The following EIF3H variants were observed in gnomAD, a reference collection of about 807,000 sequenced individuals.
EIF3H encodes the protein eIF-3-gamma.
Under a neutral mutation model 44.2 loss-of-function variants are expected in EIF3H, and 26 were observed. The observed-to-expected ratio is 0.59, with a 90% CI of 0.43 to 0.82. EIF3H has a LOEUF of 0.82. Among genes scored for constraint, EIF3H ranks in the 40% least tolerant of loss-of-function variants. The probability of loss-of-function intolerance (pLI) is 0.00; values close to 1 mark genes in which losing one functional copy is unlikely to be tolerated. For missense variants in EIF3H, 359 were observed against 432.8 expected (o/e 0.83, Z 1.51); for synonymous variants, 166 against 151.9 (o/e 1.09, Z -0.68).
intron 1 of EIF3H, among the ~76,000 whole-genome samples, chr8:116,736,477 C>T (rs771253647): frequency 2.0e-5 from 3 of 152,072 alleles, no homozygotes; most frequent in East Asian, 1.9e-4. Flanking sequence ...CTGACTAACA[C>T]GGTGAAACCC....
intron 2 of EIF3H, among the ~76,000 whole-genome samples, chr8:116,661,159 G>A (rs951715860): frequency 2.6e-5 from 4 of 152,082 alleles, no homozygotes; most frequent in Admixed American, 2.6e-4. Flanking sequence ...TAAAATCACT[G>A]ATTTGGCTAA....
chr8:116,681,448 C>T (rs553072636), intron 2 of EIF3H, among the ~76,000 whole-genome samples: 134 of 152,034 alleles, frequency 8.8e-4, no homozygotes, highest in South Asian at 3.1e-3. Flanking sequence ...GGGCGGATCA[C>T]CTGAGGTAGG....
intron 2 of EIF3H, among the ~76,000 whole-genome samples, chr8:116,686,319 T>C (rs1372994531): frequency 1.3e-5 from 2 of 152,148 alleles, no homozygotes. Flanking sequence ...TCAAAGTCAA[T>C]GATAAGCTCC....
At chr8:116,674,226 G>A (rs1011133374) in intron 2 of EIF3H, among the ~76,000 whole-genome samples, 5 of 149,732 alleles carry the variant, frequency 3.3e-5, no homozygotes, top group Non-Finnish European at 7.4e-5. Context: ...GAAGGAAAGA[G>A]AGCTGGCAAT....
chr8:116,751,488 C>T (rs906883867), intron 1 of EIF3H, among the ~76,000 whole-genome samples: 5 of 152,112 alleles, frequency 3.3e-5, no homozygotes, highest in African/African-American at 1.2e-4. Flanking sequence ...AAGATAGTTA[C>T]AGGCTGTGGA....
At chr8:116,710,996 T>C (rs1444879445) in intron 2 of EIF3H, among the ~76,000 whole-genome samples, 1 of 152,236 alleles carries the variant, frequency 6.6e-6, no homozygotes, top group Non-Finnish European at 1.5e-5. Flanking sequence ...GAAATATATA[T>C]ATTTGCTATA....
upstream of EIF3H, chr8:116,766,271 C>T (rs1815572412): frequency 4.1e-6 from 1 of 246,018 alleles, no homozygotes; most frequent in African/African-American, 2.3e-5. Flanking sequence ...ACGTAGGTAA[C>T]ACGCTAAATG....
intron 6 of EIF3H, among the ~76,000 whole-genome samples, chr8:116,648,018 C>T (rs1008141543): frequency 6.6e-6 from 1 of 152,026 alleles, no homozygotes; most frequent in African/African-American, 2.4e-5. Flanking sequence ...TGAAAATGAA[C>T]TCTGATATTA....
intron 2 of EIF3H, among the ~76,000 whole-genome samples, chr8:116,724,710 G>T (rs888905136): frequency 2.0e-5 from 3 of 152,042 alleles, no homozygotes; most frequent in Non-Finnish European, 4.4e-5. Flanking sequence ...GTAATCATCA[G>T]AAGTGCAATT....
intron 1 of EIF3H, among the ~76,000 whole-genome samples, chr8:116,738,605 A>C (rs183508096): frequency 3.3e-5 from 5 of 152,370 alleles, no homozygotes; most frequent in Admixed American, 2.0e-4. Flanking sequence ...CAATTTGTTC[A>C]AACTTACTAC....
At chr8:116,708,575 T>C (rs1388173730) in intron 2 of EIF3H, among the ~76,000 whole-genome samples, 1 of 152,092 alleles carries the variant, frequency 6.6e-6, no homozygotes, top group East Asian at 1.9e-4. Flanking sequence ...CCAAGTGAGA[T>C]AATTTATCAA....
intron 5 of EIF3H, among the ~76,000 whole-genome samples, chr8:116,651,481 T>A (rs1017463446): frequency 6.6e-6 from 1 of 152,186 alleles, no homozygotes; most frequent in African/African-American, 2.4e-5. Context: ...ATCAGGAAGT[T>A]TTGGCTCTTT....
intron 2 of EIF3H, among the ~76,000 whole-genome samples, chr8:116,665,836 T>C (rs1459118557): frequency 6.6e-6 from 1 of 152,224 alleles, no homozygotes; most frequent in African/African-American, 2.4e-5. Context: ...TTTCAGGCAA[T>C]GTTCAAAGCT....
chr8:116,721,510 G>A (rs560213227), intron 2 of EIF3H, among the ~76,000 whole-genome samples: 42 of 152,176 alleles, frequency 2.8e-4, no homozygotes, highest in South Asian at 1.9e-3. Flanking sequence ...GACGGCCACC[G>A]TCCTCCAGAC....
At chr8:116,712,364 AG>A (rs1488434905) in intron 2 of EIF3H, among the ~76,000 whole-genome samples, 3 of 152,222 alleles carry the variant, frequency 2.0e-5, no homozygotes, top group African/African-American at 7.2e-5. Context: ...ACAGGAAAGA[AG>A]GGCTGTCTAT....
intron 1 of EIF3H, among the ~76,000 whole-genome samples, chr8:116,734,972 G>C (rs2130944854): frequency 6.6e-6 from 1 of 152,298 alleles, no homozygotes; most frequent in Non-Finnish European, 1.5e-5. Context: ...TTCAGGAAAA[G>C]TTACCATAGC....
chr8:116,755,960 C>T (rs550881476), upstream of EIF3H: 204 of 1,536,410 alleles, frequency 1.3e-4, 2 homozygotes, highest in South Asian at 2.2e-3. Context: ...ACCTTCTTTC[C>T]AGGCGGTATC....
chr8:116,648,948 C>A (rs1311185966), intron 5 of EIF3H, 22 bp from the exon 6 acceptor site: 3 of 1,594,580 alleles, frequency 1.9e-6, no homozygotes, highest in Non-Finnish European at 2.6e-6. Context: ...AGTAAATATA[C>A]TGACAAGTCT....
At chr8:116,727,476 TATCATA>T (rs1814865745) in intron 1 of EIF3H, among the ~76,000 whole-genome samples, 1 of 152,222 alleles carries the variant, frequency 6.6e-6, no homozygotes, top group South Asian at 2.1e-4. Flanking sequence ...GTTTGACTGA[TATCATA>T]ACACACTGTA....
Sources: gnomAD v4.1 joint callset for allele counts (sites outside exome capture counted in the v4.1 genomes callset) on GRCh38, gnomAD v4.1.1 for gene constraint, MANE v1.5 for transcripts, NCBI Gene and HGNC (gene_info 2026-07-23, HGNC 2026-07-21) for gene names.